The following ADAMTS6 variants were observed in gnomAD, a reference collection of about 807,000 sequenced individuals.
ADAMTS6 encodes the protein ADAM metallopeptidase with thrombospondin type 1 motif 6, also known as A disintegrin and metalloproteinase with thrombospondin motifs 6.
A neutral mutation model predicts 144.3 loss-of-function variants in ADAMTS6; 23 were observed. The observed-to-expected ratio is 0.16, with a 90% CI of 0.11 to 0.23. The LOEUF (loss-of-function observed/expected upper bound fraction) is 0.23. Among genes scored for constraint, ADAMTS6 ranks in the 10% least tolerant of loss-of-function variants. The pLI is 1.00. For synonymous variants in ADAMTS6, 444 were observed against 457.5 expected (o/e 0.97, Z 0.38); for missense variants, 999 against 1,379.6 (o/e 0.72, Z 4.37).
chr5:65,449,344 G>C (rs1228359354), intron 7 of ADAMTS6, among the ~76,000 whole-genome samples: 2 of 152,178 alleles, frequency 1.3e-5, no homozygotes, highest in Non-Finnish European at 2.9e-5. Flanking sequence ...GGCCAGGCGC[G>C]GTGGCTCACG....
intron 11 of ADAMTS6, among the ~76,000 whole-genome samples, chr5:65,289,539 A>G: frequency 6.6e-6 from 1 of 152,204 alleles, no homozygotes; most frequent in East Asian, 1.9e-4. Flanking sequence ...TAAAAAGAAT[A>G]TAAAAGCAGA....
chr5:65,286,367 T>C (rs182796379), intron 11 of ADAMTS6, among the ~76,000 whole-genome samples: 4 of 152,328 alleles, frequency 2.6e-5, no homozygotes, highest in East Asian at 1.9e-4. Flanking sequence ...CACCATGTAT[T>C]AGCTCATGTG....
intron 12 of ADAMTS6, among the ~76,000 whole-genome samples, chr5:65,266,867 A>G (rs1312320966): frequency 1.3e-5 from 2 of 151,994 alleles, no homozygotes; most frequent in Non-Finnish European, 2.9e-5. Flanking sequence ...AGTAGTAAAC[A>G]TCAATGTAGT....
intron 24 of ADAMTS6, among the ~76,000 whole-genome samples, chr5:65,164,388 G>A (rs570516025): frequency 3.9e-5 from 6 of 151,922 alleles, no homozygotes; most frequent in African/African-American, 9.7e-5. Context: ...CTACGCCCAC[G>A]GAGTCTCGCT....
intron 20 of ADAMTS6, among the ~76,000 whole-genome samples, chr5:65,197,826 T>C (rs1755485061): frequency 6.6e-6 from 1 of 152,208 alleles, no homozygotes; most frequent in Admixed American, 6.5e-5. Flanking sequence ...AATATTAATT[T>C]ATCTCATTTT....
At chr5:65,402,504 T>C (rs560477757) in intron 7 of ADAMTS6, among the ~76,000 whole-genome samples, 1 of 152,262 alleles carries the variant, frequency 6.6e-6, no homozygotes, top group South Asian at 2.1e-4. Context: ...TCCTCAAATC[T>C]ATAACATCAC....
intron 7 of ADAMTS6, among the ~76,000 whole-genome samples, chr5:65,416,659 T>C (rs1017542240): frequency 6.6e-6 from 1 of 151,466 alleles, no homozygotes; most frequent in Non-Finnish European, 1.5e-5. Context: ...GAGAATCACT[T>C]GAGCCCAGGA....
intron 22 of ADAMTS6, among the ~76,000 whole-genome samples, chr5:65,179,874 AG>A (rs900762243): frequency 1.3e-5 from 2 of 152,138 alleles, no homozygotes; most frequent in Non-Finnish European, 1.5e-5. Context: ...CATCTCTATT[AG>A]ATTATAAGCT....
intron 18 of ADAMTS6, 88 bp from the exon 19 acceptor site, chr5:65,215,575 G>T: frequency 8.7e-7 from 1 of 1,146,890 alleles, no homozygotes; most frequent in Non-Finnish European, 1.2e-6. Context: ...AGTATACAAT[G>T]AATACCGATT....
chr5:65,333,012 A>G (rs1044678724), intron 8 of ADAMTS6, among the ~76,000 whole-genome samples: 9 of 152,132 alleles, frequency 5.9e-5, no homozygotes, highest in African/African-American at 1.9e-4. Context: ...CCGAAGAGAT[A>G]TTTCACTGAA....
At chr5:65,393,137 T>C (rs1488427185) in intron 7 of ADAMTS6, among the ~76,000 whole-genome samples, 3 of 152,140 alleles carry the variant, frequency 2.0e-5, no homozygotes, top group African/African-American at 7.2e-5. Context: ...CCTTTCTCCA[T>C]AGAACACAAA....
intron 7 of ADAMTS6, among the ~76,000 whole-genome samples, chr5:65,338,262 C>T (rs1747492922): frequency 6.6e-6 from 1 of 152,118 alleles, no homozygotes; most frequent in African/African-American, 2.4e-5. Context: ...CTACATAAAG[C>T]CCAGTACTTT....
chr5:65,460,338 G>A lies in ADAMTS6; in HGVS notation c.463C>T (p.His155Tyr), dbSNP rs1759551679. 1 of 1,584,030 alleles carries A rather than the reference G, an allele frequency of 6.3e-7. No individual in the cohort carries two copies. Among genetic ancestry groups the A allele is most frequent in the Non-Finnish European group, 8.6e-7 (1 of 1,167,196 alleles). The stretch of plus-strand genomic sequence containing the variant: ...TCATCTTCTGTAGCAATAACACCAT[G>A]CTAAAAGAAAAATAAACAAAGAACT... The part of the protein sequence containing the change: ...KVALSNCVGL[H>Y]GVIATEDEEY... The change falls in exon 4 of 25, where the codon CAT (histidine) becomes TAT (tyrosine). Residue 155 changes from histidine to tyrosine, a missense_variant and splice_region_variant. Physicochemically the swap from His to Tyr is moderately conservative, Grantham distance 83. Coordinates refer to ENST00000381055, the MANE Select transcript of ADAMTS6 (RefSeq NM_197941.4).
At chr5:65,393,849 G>T (rs899412275) in intron 7 of ADAMTS6, among the ~76,000 whole-genome samples, 1 of 152,200 alleles carries the variant, frequency 6.6e-6, no homozygotes, top group Non-Finnish European at 1.5e-5. Flanking sequence ...GATATAAAAA[G>T]AGGAGTTCTG....
At chr5:65,450,212 T>C (rs988237931) in intron 7 of ADAMTS6, among the ~76,000 whole-genome samples, 39 of 152,196 alleles carry the variant, frequency 2.6e-4, no homozygotes, top group Admixed American at 2.6e-3. Flanking sequence ...TCAACATATA[T>C]TAATATAGAA....
intron 18 of ADAMTS6, among the ~76,000 whole-genome samples, chr5:65,217,370 T>G (rs1757005891): frequency 6.6e-6 from 1 of 151,476 alleles, no homozygotes; most frequent in African/African-American, 2.4e-5. Context: ...GAGCTCTCAC[T>G]TCCTTTTTTT....
At chr5:65,231,970 T>G (rs1758281720) in intron 15 of ADAMTS6, among the ~76,000 whole-genome samples, 1 of 151,758 alleles carries the variant, frequency 6.6e-6, no homozygotes, top group Non-Finnish European at 1.5e-5. Context: ...AGTTAGCTGG[T>G]CATGGTGGTA....
intron 7 of ADAMTS6, among the ~76,000 whole-genome samples, chr5:65,370,970 A>C (rs998901693): frequency 6.6e-6 from 1 of 152,046 alleles, no homozygotes; most frequent in Admixed American, 6.6e-5. Flanking sequence ...CTGACCCCTG[A>C]CCCCCGAGCA....
chr5:65,465,244 C>T (rs1759909319), intron 3 of ADAMTS6, among the ~76,000 whole-genome samples: 1 of 152,048 alleles, frequency 6.6e-6, no homozygotes, highest in African/African-American at 2.4e-5. Flanking sequence ...CTTCATATTC[C>T]CCTCCGATAG....
Sources: gnomAD v4.1 joint callset for allele counts (sites outside exome capture counted in the v4.1 genomes callset) on GRCh38, gnomAD v4.1.1 for gene constraint, MANE v1.5 for transcripts, NCBI Gene and HGNC (gene_info 2026-07-23, HGNC 2026-07-21) for gene names.